The following ARRDC5 variants were observed in gnomAD, a reference collection of about 807,000 sequenced individuals.
ARRDC5 encodes arrestin domain containing 5, also known as arrestin domain-containing protein 5.
Under a neutral mutation model 13.3 loss-of-function variants are expected in ARRDC5, and 12 were observed. The observed-to-expected ratio is 0.90, with a 90% CI of 0.58 to 1.46. ARRDC5 has a LOEUF of 1.46. Ranked by LOEUF, ARRDC5 falls within the 40% of genes most tolerant of loss-of-function variation. The probability of loss-of-function intolerance (pLI) is 0.00; values close to 1 mark genes in which losing one functional copy is unlikely to be tolerated. For missense variants in ARRDC5, 406 were observed against 418.7 expected (o/e 0.97, Z 0.26); for synonymous variants, 181 against 173.4 (o/e 1.04, Z -0.34).
chr19:4,897,501 G>C (rs565419452), intron 1 of ARRDC5, among the ~76,000 whole-genome samples: 8 of 152,170 alleles, frequency 5.3e-5, no homozygotes, highest in East Asian at 3.9e-4. Flanking sequence ...AGGCCTTCAG[G>C]GTTCAACAAA....
the ARRDC5 span, chr19:4,909,874 G>A: frequency 1.8e-5 from 7 of 379,814 alleles, no homozygotes; most frequent in East Asian, 2.7e-4. Flanking sequence ...GCCCGGCGGG[G>A]GGTCGAGCGC....
chr19:4,895,667 T>C (rs1316284369), intron 2 of ARRDC5, among the ~76,000 whole-genome samples: 1 of 152,160 alleles, frequency 6.6e-6, no homozygotes, highest in East Asian at 1.9e-4. Flanking sequence ...TCTCCTGGAC[T>C]GAGGCCACCA....
At chr19:4,909,568 CG>C in the ARRDC5 span, 2 of 657,098 alleles carry the variant, frequency 3.0e-6, no homozygotes, top group Non-Finnish European at 5.5e-6. Context: ...CAAGTCCGCG[CG>C]GGGTCCGGGC....
chr19:4,911,059 T>C, the ARRDC5 span: 9 of 1,556,568 alleles, frequency 5.8e-6, no homozygotes, highest in African/African-American at 1.4e-5. Context: ...CGCCAGCACC[T>C]TTGTTCTATG....
In ARRDC5 at chr19:4,895,879, G is replaced by A. The variant is rs1362740547; in HGVS notation, c.459+792C>T. ...TGCAGGGTGCTGAGCAGCGCCCCTG[G>A]CCTCCACCCACTCCATGCCAGGAGC... On this transcript the variant is annotated intron_variant, in intron 2 of 2. Transcript: ENST00000650722. Among the ~76,000 whole-genome samples, 3 of 152,198 alleles carry A rather than the reference G, an allele frequency of 2.0e-5. No homozygotes were observed. The East Asian group carries it at 5.8e-4, about 29-fold the overall frequency.
intron 1 of ARRDC5, among the ~76,000 whole-genome samples, chr19:4,899,835 A>G (rs1440549049): frequency 6.7e-6 from 1 of 149,188 alleles, no homozygotes; most frequent in Non-Finnish European, 1.5e-5. Context: ...GCTACTCAGG[A>G]GGCTGAGGCA....
chr19:4,900,107 C>G (rs985863993), intron 1 of ARRDC5, among the ~76,000 whole-genome samples: 11 of 146,892 alleles, frequency 7.5e-5, no homozygotes, highest in African/African-American at 2.2e-4. Context: ...CATGAGCCAC[C>G]GCGCCCGGCC....
intron 1 of ARRDC5, among the ~76,000 whole-genome samples, chr19:4,898,206 A>G (rs966286905): frequency 1.3e-5 from 2 of 152,130 alleles, no homozygotes; most frequent in African/African-American, 2.4e-5. Flanking sequence ...TGATTGACCA[A>G]CTGAGTGATG....
Position 4,893,943 on chromosome 19 carries a change from G to T in ARRDC5, c.460-2370C>A, listed in dbSNP as rs535235475. Among the ~76,000 whole-genome samples the T allele has an allele frequency of 9.3e-5, 14 of 150,880 alleles. No homozygotes were observed. The South Asian group carries it at 2.7e-3, about 29-fold the overall frequency. ...GGCACCTGTAGTCCCAGCTACTTGG[G>T]AGGCTGAGGCAGGAGAATGGCGTGA... On this transcript the variant is annotated intron_variant, in intron 2 of 2. Coordinates refer to ENST00000650722, the MANE Select transcript of ARRDC5 (RefSeq NM_001080523.3).
At chr19:4,908,447 AC>A in the ARRDC5 span, among the ~76,000 whole-genome samples, 4 of 151,664 alleles carry the variant, frequency 2.6e-5, no homozygotes, top group Non-Finnish European at 5.9e-5. Flanking sequence ...ATTATATATC[AC>A]CCCTCTGACC....
the ARRDC5 span, among the ~76,000 whole-genome samples, chr19:4,908,478 G>C: frequency 6.6e-6 from 1 of 151,936 alleles, no homozygotes; most frequent in African/African-American, 2.4e-5. Context: ...CCTCCCCTTT[G>C]CTCAGTGGGC....
chr19:4,895,838 G>A (rs2031691543), intron 2 of ARRDC5, among the ~76,000 whole-genome samples: 1 of 152,182 alleles, frequency 6.6e-6, no homozygotes, highest in South Asian at 2.1e-4. Context: ...CTCCTGGGTG[G>A]GGCCGTCCTG....
chr19:4,897,358 G>T (rs557593385), intron 1 of ARRDC5, among the ~76,000 whole-genome samples: 1 of 152,024 alleles, frequency 6.6e-6, no homozygotes, highest in Non-Finnish European at 1.5e-5. Flanking sequence ...AGGACCTGCT[G>T]GGCCTATAAA....
upstream of ARRDC5, chr19:4,903,029 C>CTTTTTCACTGGTTCTTTT: frequency 8.9e-6 from 4 of 448,136 alleles, no homozygotes; most frequent in African/African-American, 2.2e-5. Flanking sequence ...CTCACTGGTT[C>CTTTTTCACTGGTTCTTTT]TTTTTTTTTT....
At chr19:4,914,343 C>T in the ARRDC5 span, among the ~76,000 whole-genome samples, 6 of 152,210 alleles carry the variant, frequency 3.9e-5, no homozygotes, top group Non-Finnish European at 7.4e-5. Flanking sequence ...ACACAGTTCC[C>T]GGTGGGCACA....
chr19:4,897,290 G>A (rs1426296272), intron 1 of ARRDC5, among the ~76,000 whole-genome samples: 1 of 151,956 alleles, frequency 6.6e-6, no homozygotes, highest in Non-Finnish European at 1.5e-5. Flanking sequence ...TGGCATGGAG[G>A]TGGGTCCTGG....
the ARRDC5 span, chr19:4,910,941 T>C: frequency 6.2e-7 from 1 of 1,613,718 alleles, no homozygotes; most frequent in Non-Finnish European, 8.5e-7. Flanking sequence ...GTGGACTCGC[T>C]GTCCAGGCTG....
chr19:4,902,930 C>T (rs999535742), upstream of ARRDC5: 4 of 1,567,548 alleles, frequency 2.6e-6, no homozygotes, highest in Admixed American at 3.4e-5. Context: ...TCACTCAGCT[C>T]AGAGTTCCGG....
chr19:4,900,166 G>A (rs1384295271), intron 1 of ARRDC5, among the ~76,000 whole-genome samples: 1 of 37,254 alleles, frequency 2.7e-5, no homozygotes, highest in Non-Finnish European at 5.2e-5. Context: ...TTTTTTTTTT[G>A]AGACGGAGTC....
Sources: allele counts gnomAD v4.1 joint callset (sites outside exome capture counted in the v4.1 genomes callset), GRCh38; gene constraint gnomAD v4.1.1; transcripts MANE v1.5; gene names NCBI Gene and HGNC (gene_info 2026-07-23, HGNC 2026-07-21).